Variants in TTC6 observed in about 807,000 individuals in gnomAD.
The protein encoded by TTC6 is tetratricopeptide repeat protein 6.
In TTC6, 172 loss-of-function variants were observed where a neutral mutation model predicts 210.4. The ratio of observed to expected loss-of-function variants is 0.82; its 90% CI spans 0.72 to 0.93. The LOEUF is 0.93. TTC6 is among the 40% of genes least tolerant of loss of function. TTC6 has a pLI of 0.00. For synonymous variants in TTC6, 804 were observed against 819.6 expected (o/e 0.98, Z 0.32); for missense variants, 2,414 against 2,318.1 (o/e 1.04, Z -0.85).
At chr14:37,658,961 C>T (rs2095731010) in intron 1 of TTC6, among the ~76,000 whole-genome samples, 1 of 152,042 alleles carries the variant, frequency 6.6e-6, no homozygotes, top group Non-Finnish European at 1.5e-5. Context: ...GTATCTGTTG[C>T]TCCCTTGTGT....
chr14:37,713,856 C>T (rs146821010), intron 5 of TTC6, among the ~76,000 whole-genome samples: 27 of 152,132 alleles, frequency 1.8e-4, no homozygotes, highest in Middle Eastern at 3.4e-3. Flanking sequence ...TTTGGTAACT[C>T]GTAATGTGTT....
At chr14:37,770,658 G>A (rs1437575261) in intron 14 of TTC6, among the ~76,000 whole-genome samples, 1 of 151,616 alleles carries the variant, frequency 6.6e-6, no homozygotes, top group East Asian at 1.9e-4. Flanking sequence ...TTTGCTTGGT[G>A]GATCTTCCTC....
chr14:37,659,198 T>C (rs1039904531), intron 1 of TTC6, among the ~76,000 whole-genome samples: 2 of 152,164 alleles, frequency 1.3e-5, no homozygotes, highest in Non-Finnish European at 2.9e-5. Context: ...GACATTTAGG[T>C]TGATTCCATG....
chr14:37,741,724 T>C (rs1387289125), intron 10 of TTC6, among the ~76,000 whole-genome samples: 2 of 152,198 alleles, frequency 1.3e-5, no homozygotes, highest in East Asian at 3.9e-4. Context: ...CGTATGTTCT[T>C]ATACATCAAG....
chr14:37,610,675 T>A (rs1349037648), intron 2 of TTC6, among the ~76,000 whole-genome samples: 1 of 152,220 alleles, frequency 6.6e-6, no homozygotes, highest in African/African-American at 2.4e-5. Context: ...ACTGCCGTAG[T>A]ACTGCCTGCC....
At chr14:37,686,861 T>C (rs1200499469) in intron 3 of TTC6, among the ~76,000 whole-genome samples, 3 of 151,986 alleles carry the variant, frequency 2.0e-5, no homozygotes, top group Non-Finnish European at 4.4e-5. Flanking sequence ...CAAGATGAGA[T>C]TTGGGTGGGG....
In TTC6 at chr14:37,641,089, G is replaced by C. The variant is rs565643747; in HGVS notation, c.939+18086G>C. On this transcript the variant is annotated intron_variant, in intron 1 of 30. Coordinates refer to ENST00000553443, the Ensembl canonical transcript of TTC6. ...GGAACTTATACAATTTAAAACAGTT[G>C]CTTAACATGTAAAGTTGATATTAGA... 2.6e-5 allele frequency among the ~76,000 whole-genome samples: 4 copies of C among 152,258 alleles called. No homozygotes were observed. In the South Asian group the frequency reaches 8.3e-4, roughly 32 times the overall value.
intron 14 of TTC6, among the ~76,000 whole-genome samples, chr14:37,758,593 T>C (rs1215274305): frequency 1.3e-5 from 2 of 152,174 alleles, no homozygotes; most frequent in Non-Finnish European, 2.9e-5. Flanking sequence ...GCAAGAGAGA[T>C]GGGTCTCCTG....
At chr14:37,606,497 C>G (rs1353499407) in intron 1 of TTC6, among the ~76,000 whole-genome samples, 166 bp from the exon 2 acceptor site, 1 of 152,158 alleles carries the variant, frequency 6.6e-6, no homozygotes, top group Non-Finnish European at 1.5e-5. Context: ...ATCAGCAGCT[C>G]CTCTTCCACA....
chr14:37,722,401 T>C (rs754275092), intron 6 of TTC6, among the ~76,000 whole-genome samples: 3 of 152,220 alleles, frequency 2.0e-5, no homozygotes, highest in Non-Finnish European at 4.4e-5. Flanking sequence ...AATTCTCTCC[T>C]GAAGGTGCAT....
intron 1 of TTC6, among the ~76,000 whole-genome samples, chr14:37,631,508 T>A (rs935880531): frequency 2.6e-5 from 4 of 152,200 alleles, no homozygotes; most frequent in African/African-American, 9.7e-5. Context: ...CTTCCCTTTG[T>A]GGGTAACCCA....
chr14:37,712,805 G>T (rs2138748382), intron 5 of TTC6, among the ~76,000 whole-genome samples: 1 of 152,228 alleles, frequency 6.6e-6, no homozygotes, highest in African/African-American at 2.4e-5. Context: ...GGGCATTATG[G>T]GAACTACAAT....
At chr14:37,826,503 A>G (rs1360176020) in intron 28 of TTC6, among the ~76,000 whole-genome samples, 156 bp downstream of exon 30, 1 of 152,090 alleles carries the variant, frequency 6.6e-6, no homozygotes, top group Admixed American at 6.6e-5. Flanking sequence ...TAGGGTAAAG[A>G]GTTATGGCTT....
chr14:37,714,750 C>G (rs1260171912), exon 6 of TTC6: 3 of 1,535,506 alleles, frequency 2.0e-6, no homozygotes, highest in Non-Finnish European at 2.6e-6. Context: ...GCACAAGGAA[C>G]TAGAGAGCGT....
intron 27 of TTC6, among the ~76,000 whole-genome samples, chr14:37,824,175 A>G (rs1178842824): frequency 6.6e-6 from 1 of 152,156 alleles, no homozygotes; most frequent in Non-Finnish European, 1.5e-5. Context: ...TAGGCTGGTT[A>G]GATGAAAGTC....
chr14:37,771,006 CA>C (rs2096016546), intron 14 of TTC6, among the ~76,000 whole-genome samples: 1 of 123,068 alleles, frequency 8.1e-6, no homozygotes, highest in Non-Finnish European at 1.7e-5. Flanking sequence ...CTGGTGGTGA[CA>C]AAATCTCTCA....
At chr14:37,810,907 C>A (rs187397158) in intron 24 of TTC6, among the ~76,000 whole-genome samples, 6 of 152,308 alleles carry the variant, frequency 3.9e-5, no homozygotes, top group Non-Finnish European at 8.8e-5. Context: ...GCTTCACTGA[C>A]ATACAATCAA....
At chr14:37,770,970 C>T (rs1348173488) in intron 14 of TTC6, among the ~76,000 whole-genome samples, 1 of 125,964 alleles carries the variant, frequency 7.9e-6, no homozygotes, top group East Asian at 2.3e-4. Flanking sequence ...TTTAGTGCTT[C>T]CTTCAGGAGC....
At chr14:37,811,281 G>A (rs551760072) in intron 24 of TTC6, among the ~76,000 whole-genome samples, 2 of 152,164 alleles carry the variant, frequency 1.3e-5, no homozygotes, top group African/African-American at 2.4e-5. Flanking sequence ...TAATATTCTA[G>A]GTTTGGTTTT....
Sources: gnomAD v4.1 joint callset for allele counts (sites outside exome capture counted in the v4.1 genomes callset) on GRCh38, gnomAD v4.1.1 for gene constraint, MANE v1.5 for transcripts, NCBI Gene and HGNC (gene_info 2026-07-23, HGNC 2026-07-21) for gene names.